The following DNAH5 variants were observed in gnomAD, a reference collection of about 807,000 sequenced individuals.
The protein encoded by DNAH5 is axonemal beta dynein heavy chain 5.
Under a neutral mutation model 518.2 loss-of-function variants are expected in DNAH5, and 372 were observed. The observed-to-expected ratio is 0.72, with a 90% CI of 0.66 to 0.78. The LOEUF (loss-of-function observed/expected upper bound fraction) is 0.78. Among genes scored for constraint, DNAH5 ranks in the 30% least tolerant of loss-of-function variants. The pLI, the probability that DNAH5 is intolerant of heterozygous loss-of-function variation, is 0.00. For missense variants in DNAH5, 5,523 were observed against 5,687.0 expected (o/e 0.97, Z 0.93); for synonymous variants, 2,039 against 2,025.9 (o/e 1.01, Z -0.17).
At chr5:13,806,622 C>A (rs976099780) in intron 47 of DNAH5, among the ~76,000 whole-genome samples, 4 of 152,128 alleles carry the variant, frequency 2.6e-5, no homozygotes, top group African/African-American at 9.7e-5. Flanking sequence ...CATGTATCTT[C>A]TGGTGATATA....
At chr5:13,771,529 T>G (rs1242231007) in intron 55 of DNAH5, among the ~76,000 whole-genome samples, 2 of 152,218 alleles carry the variant, frequency 1.3e-5, no homozygotes, top group African/African-American at 2.4e-5. Flanking sequence ...TCTTTTAGAA[T>G]GTTTGGGTAA....
At chr5:13,857,481 T>C (rs1399713675) in intron 30 of DNAH5, among the ~76,000 whole-genome samples, 3 of 152,278 alleles carry the variant, frequency 2.0e-5, no homozygotes, top group African/African-American at 4.8e-5. Flanking sequence ...CAAGCTACCA[T>C]TGACTTTCTT....
At chr5:13,957,316 G>C (rs1472591591) in intron 1 of DNAH5, among the ~76,000 whole-genome samples, 1 of 152,104 alleles carries the variant, frequency 6.6e-6, no homozygotes, top group Non-Finnish European at 1.5e-5. Flanking sequence ...GAAGAGCTAA[G>C]GAAATACAAA....
At chr5:13,831,428 GC>G (rs1763662078) in intron 35 of DNAH5, among the ~76,000 whole-genome samples, 1 of 152,198 alleles carries the variant, frequency 6.6e-6, no homozygotes, top group Non-Finnish European at 1.5e-5. Flanking sequence ...TTGTTTGCCA[GC>G]ACCACCTGGT....
chr5:13,872,888 T>TA (rs530243596), intron 22 of DNAH5, among the ~76,000 whole-genome samples: 34 of 146,598 alleles, frequency 2.3e-4, no homozygotes, highest in East Asian at 2.0e-3. Flanking sequence ...AAGTTAGTGC[T>TA]AAAAAAAAAA....
At chr5:13,696,935 G>C (rs1741468083) in intron 78 of DNAH5, among the ~76,000 whole-genome samples, 1 of 152,092 alleles carries the variant, frequency 6.6e-6, no homozygotes, top group African/African-American at 2.4e-5. Context: ...ATACCCAGCA[G>C]GGTGGGTATA....
chr5:13,787,974 C>T (rs1487399420), intron 51 of DNAH5, among the ~76,000 whole-genome samples: 2 of 152,106 alleles, frequency 1.3e-5, no homozygotes, highest in African/African-American at 2.4e-5. Context: ...TAAAATCCAT[C>T]CTCAGTATTA....
At chr5:13,749,392 C>T (rs1384052939) in intron 65 of DNAH5, among the ~76,000 whole-genome samples, 1 of 152,062 alleles carries the variant, frequency 6.6e-6, no homozygotes, top group African/African-American at 2.4e-5. Flanking sequence ...TAAGAAAAAG[C>T]CTGGTCCTGC....
chr5:13,754,670 C>T (rs1374209050), intron 61 of DNAH5, among the ~76,000 whole-genome samples: 4 of 152,000 alleles, frequency 2.6e-5, no homozygotes, highest in Non-Finnish European at 2.9e-5. Flanking sequence ...TCCCAAGTAG[C>T]TGGGATTACA....
At chr5:13,747,067 T>C (rs1328567220) in intron 65 of DNAH5, among the ~76,000 whole-genome samples, 2 of 151,004 alleles carry the variant, frequency 1.3e-5, no homozygotes. Flanking sequence ...GGCCCCAGTG[T>C]GTGAAGTTCC....
chr5:13,867,353 A>C (rs1445811), intron 25 of DNAH5, among the ~76,000 whole-genome samples: 1 of 151,874 alleles, frequency 6.6e-6, no homozygotes, highest in Non-Finnish European at 1.5e-5. Flanking sequence ...CTGTTCTCTC[A>C]GTAGTGAGTT....
chr5:13,750,232 G>C (rs940240844), intron 65 of DNAH5, among the ~76,000 whole-genome samples: 1 of 152,170 alleles, frequency 6.6e-6, no homozygotes, highest in African/African-American at 2.4e-5. Context: ...GGTCAGCGTA[G>C]AAGGTGCCAT....
intron 1 of DNAH5, among the ~76,000 whole-genome samples, chr5:13,941,420 A>G (rs748994670): frequency 1.7e-4 from 26 of 152,172 alleles, no homozygotes; most frequent in Non-Finnish European, 3.1e-4. Flanking sequence ...CCCTAGATCC[A>G]TTCACCTTCC....
At chr5:13,820,274 C>G (rs938999704) in intron 41 of DNAH5, 72 bp downstream of exon 41, 8 of 1,515,864 alleles carry the variant, frequency 5.3e-6, no homozygotes, top group Non-Finnish European at 7.2e-6. Flanking sequence ...CTGTGTATCC[C>G]TCTTGGGCAT....
chr5:13,986,249 C>T (rs1169355298), intron 1 of DNAH5, among the ~76,000 whole-genome samples: 1 of 152,204 alleles, frequency 6.6e-6, no homozygotes, highest in East Asian at 1.9e-4. Flanking sequence ...AGCTTCCCAG[C>T]AGCCCAGGGG....
intron 65 of DNAH5, among the ~76,000 whole-genome samples, chr5:13,747,877 C>G (rs1189567563): frequency 6.6e-6 from 1 of 152,106 alleles, no homozygotes; most frequent in Non-Finnish European, 1.5e-5. Context: ...TGCAGAAGCT[C>G]TTTAGTTTTG....
intron 1 of DNAH5, among the ~76,000 whole-genome samples, chr5:13,971,339 A>G (rs1324979310): frequency 6.6e-6 from 1 of 152,086 alleles, no homozygotes; most frequent in African/African-American, 2.4e-5. Context: ...TAGGGGTGTT[A>G]AAGAAACTTG....
In DNAH5 at chr5:13,758,887, CG is replaced by C. The variant is rs2126727754; in HGVS notation, c.10377del (p.Asp3459GlufsTer11). 9 of 1,614,204 alleles carry C rather than the reference CG, an allele frequency of 5.6e-6. No homozygotes were observed. Among genetic ancestry groups the C allele is most frequent in the Non-Finnish European group, 7.6e-6 (9 of 1,180,028 alleles). On this transcript the variant is annotated frameshift_variant, in exon 61 of 79. Transcript: ENST00000265104. LOFTEE classifies it high-confidence loss of function. ...GCCTGTTCATACTCAGCCTGCACCACGTCAAGTTCCGCCTGCTTGTCATCCA... is the reference window on the plus strand; with the variant it reads ...GCCTGTTCATACTCAGCCTGCACCACTCAAGTTCCGCCTGCTTGTCATCCA... Reference protein sequence around the residue: ...AELDDKQAELDVVQAEYEQAM... With the variant: ...AELDDKQAELXVVQAEYEQAM...
intron 30 of DNAH5, among the ~76,000 whole-genome samples, chr5:13,857,741 T>C (rs7735921): frequency 0.38 from 57,568 of 151,842 alleles, 11,141 homozygotes; most frequent in South Asian, 0.47. Flanking sequence ...TCGACAAACC[T>C]GACAAAACAA....
Sources: allele counts gnomAD v4.1 joint callset (sites outside exome capture counted in the v4.1 genomes callset), GRCh38; gene constraint gnomAD v4.1.1; transcripts MANE v1.5; gene names NCBI Gene and HGNC (gene_info 2026-07-23, HGNC 2026-07-21).